ADIPOR2: variants seen among roughly 807,000 people sequenced by gnomAD.
The protein encoded by ADIPOR2 is adiponectin receptor protein 2.
A neutral mutation model predicts 40.9 loss-of-function variants in ADIPOR2; 18 were observed. The ratio of observed to expected loss-of-function variants is 0.44; its 90% CI spans 0.30 to 0.65. The LOEUF (loss-of-function observed/expected upper bound fraction) is 0.65, where lower values mean the gene tolerates loss of function less well. Among genes scored for constraint, ADIPOR2 ranks in the 30% least tolerant of loss-of-function variants. The pLI is 0.09. For synonymous variants in ADIPOR2, 165 were observed against 166.4 expected, an observed-to-expected ratio of 0.99 and a Z score of 0.06; for missense variants, 283 against 479.2, an observed-to-expected ratio of 0.59 and a Z score of 3.82.
intron 1 of ADIPOR2, among the ~76,000 whole-genome samples, chr12:1,746,177 A>G (rs1175929935): frequency 6.6e-6 from 1 of 152,222 alleles, no homozygotes; most frequent in Non-Finnish European, 1.5e-5. Flanking sequence ...GAGAGCTGGG[A>G]CAGTTTGCTA....
chr12:1,772,181 C>T (rs1424900831), intron 2 of ADIPOR2, among the ~76,000 whole-genome samples: 1 of 152,176 alleles, frequency 6.6e-6, no homozygotes, highest in Admixed American at 6.5e-5. Context: ...TTTCTCTAGA[C>T]AAATCAGTCA....
intron 1 of ADIPOR2, among the ~76,000 whole-genome samples, chr12:1,718,053 A>G (rs1313231089): frequency 6.6e-6 from 1 of 152,146 alleles, no homozygotes; most frequent in Non-Finnish European, 1.5e-5. Flanking sequence ...ATTTACCGTA[A>G]TAGCATCATT....
At chr12:1,724,172 G>A (rs138456777) in intron 1 of ADIPOR2, among the ~76,000 whole-genome samples, 3 of 152,114 alleles carry the variant, frequency 2.0e-5, no homozygotes, top group African/African-American at 7.2e-5. Context: ...TAGTAGAGAC[G>A]GGGTTTCACT....
At chr12:1,725,107 C>G (rs2094705183) in intron 1 of ADIPOR2, among the ~76,000 whole-genome samples, 1 of 142,904 alleles carries the variant, frequency 7.0e-6, no homozygotes, top group Non-Finnish European at 1.5e-5. Context: ...TCAGAAACAT[C>G]CAAATACCGC....
At chr12:1,784,996 A>G (rs563908532) in intron 7 of ADIPOR2, among the ~76,000 whole-genome samples, 165 of 152,280 alleles carry the variant, frequency 1.1e-3, no homozygotes, top group African/African-American at 3.8e-3. Context: ...TTTCTGATTC[A>G]TCATCATCAT....
chr12:1,730,514 A>G (rs2094717723), intron 1 of ADIPOR2, among the ~76,000 whole-genome samples: 1 of 151,526 alleles, frequency 6.6e-6, no homozygotes, highest in Admixed American at 6.6e-5. Context: ...CTACACGGGA[A>G]GCTGAGGCAG....
intron 2 of ADIPOR2, among the ~76,000 whole-genome samples, chr12:1,760,567 G>A (rs888546163): frequency 5.9e-5 from 9 of 152,190 alleles, no homozygotes; most frequent in African/African-American, 2.2e-4. Flanking sequence ...ATAAATGGAA[G>A]TGTAAGGCAT....
chr12:1,717,608 G>A (rs2094690221), intron 1 of ADIPOR2, among the ~76,000 whole-genome samples: 1 of 152,126 alleles, frequency 6.6e-6, no homozygotes. Flanking sequence ...GGGAGGCTGA[G>A]GCAGGAGAAT....
intron 1 of ADIPOR2, among the ~76,000 whole-genome samples, chr12:1,723,753 G>A (rs1290150527): frequency 6.6e-6 from 1 of 152,104 alleles, no homozygotes; most frequent in Admixed American, 6.6e-5. Flanking sequence ...CAAAAGCCGT[G>A]GAAAACAGTA....
chr12:1,785,830 C>A, intron 7 of ADIPOR2, 114 bp from the exon 8 acceptor site: 1 of 1,364,662 alleles, frequency 7.3e-7, no homozygotes, highest in Non-Finnish European at 1.0e-6. Context: ...TCTGTCACAT[C>A]CATTCCCTGC....
intron 1 of ADIPOR2, among the ~76,000 whole-genome samples, chr12:1,725,806 T>C (rs1296943119): frequency 6.6e-6 from 1 of 152,222 alleles, no homozygotes; most frequent in Admixed American, 6.5e-5. Context: ...TAATCTGTCT[T>C]GGTGAGAAGT....
chr12:1,735,856 A>G lies in ADIPOR2; in HGVS notation c.-86-18402A>G, dbSNP rs546812249. Among the ~76,000 whole-genome samples the G allele has an allele frequency of 4.4e-3, 665 of 152,144 alleles. 5 individuals are homozygous for G. The highest frequency in any genetic ancestry group is 0.015 in the African/African-American group (632 of 41,516). On this transcript the variant is annotated intron_variant, in intron 1 of 7. Transcript: ENST00000357103. Reference sequence around the variant, plus strand: ...TTTCTGCATCTATTGAGATAATCATATGGTTTTTGTTGTTGGTTCTGTTTG... The same window carrying G: ...TTTCTGCATCTATTGAGATAATCATGTGGTTTTTGTTGTTGGTTCTGTTTG...
Position 1,723,528 on chromosome 12 carries a change from A to G in ADIPOR2, c.-86-30730A>G, listed in dbSNP as rs529008318. Among the ~76,000 whole-genome samples, 6 of 151,258 alleles carry G rather than the reference A, an allele frequency of 4.0e-5. No homozygotes were observed. The East Asian group carries it at 1.2e-3, about 29-fold the overall frequency. ...GGTGGGTGCCTGTGCCTGTACTCCCAGTTACTCAGGAGACTGTCGGAAGAA... is the reference window on the plus strand; with the variant it reads ...GGTGGGTGCCTGTGCCTGTACTCCCGGTTACTCAGGAGACTGTCGGAAGAA... On this transcript the variant is annotated intron_variant, in intron 1 of 7. Coordinates refer to ENST00000357103, the MANE Select transcript of ADIPOR2 (RefSeq NM_024551.3).
chr12:1,700,019 A>C (rs1028225846), intron 1 of ADIPOR2, among the ~76,000 whole-genome samples: 3 of 152,260 alleles, frequency 2.0e-5, no homozygotes, highest in Non-Finnish European at 4.4e-5. Flanking sequence ...GGGAAAAATA[A>C]CTGGAAAAGG....
chr12:1,730,935 T>G (rs1270214648), intron 1 of ADIPOR2: 2 of 152,228 alleles, frequency 1.3e-5, no homozygotes, highest in African/African-American at 4.8e-5. Context: ...TATAAGTTTC[T>G]GGGCTGTTGT....
intron 1 of ADIPOR2, among the ~76,000 whole-genome samples, chr12:1,699,694 A>C (rs1487242544): frequency 6.6e-6 from 1 of 152,222 alleles, no homozygotes; most frequent in Admixed American, 6.5e-5. Context: ...TCACTTTGGC[A>C]TATGTTGTCT....
intron 1 of ADIPOR2, among the ~76,000 whole-genome samples, chr12:1,742,572 C>G (rs749556403): frequency 1.1e-4 from 16 of 152,142 alleles, no homozygotes; most frequent in Non-Finnish European, 2.4e-4. Flanking sequence ...TCCAGGACCT[C>G]CCATGGATAC....
At chr12:1,706,617 T>TA (rs2094663356) in intron 1 of ADIPOR2, among the ~76,000 whole-genome samples, 1 of 152,234 alleles carries the variant, frequency 6.6e-6, no homozygotes, top group South Asian at 2.1e-4. Flanking sequence ...AAATATAATT[T>TA]AAACAATGAA....
intron 1 of ADIPOR2, among the ~76,000 whole-genome samples, chr12:1,700,743 TTTA>T (rs2094648400): frequency 6.6e-6 from 1 of 151,894 alleles, no homozygotes; most frequent in Non-Finnish European, 1.5e-5. Context: ...TAAGAAACTA[TTTA>T]AACTGGACAT....
Sources: gnomAD v4.1 joint callset for allele counts (sites outside exome capture counted in the v4.1 genomes callset) on GRCh38, gnomAD v4.1.1 for gene constraint, MANE v1.5 for transcripts, NCBI Gene and HGNC (gene_info 2026-07-23, HGNC 2026-07-21) for gene names.